Variants in FRAS1 observed in about 807,000 individuals in gnomAD.
The protein encoded by FRAS1 is extracellular matrix organizing protein FRAS1.
Under a neutral mutation model 435.2 loss-of-function variants are expected in FRAS1, and 290 were observed. The ratio of observed to expected loss-of-function variants is 0.67; its 90% CI spans 0.61 to 0.73. FRAS1 has a LOEUF of 0.73. Among genes scored for constraint, FRAS1 ranks in the 30% least tolerant of loss-of-function variants. FRAS1 has a pLI of 0.00. For synonymous variants in FRAS1, 1,800 were observed against 1,851.0 expected, an observed-to-expected ratio of 0.97 and a Z score of 0.71; for missense variants, 4,860 against 5,001.5, an observed-to-expected ratio of 0.97 and a Z score of 0.85.
At chr4:78,430,078 A>G (rs1375740957) in intron 36 of FRAS1, among the ~76,000 whole-genome samples, 2 of 152,232 alleles carry the variant, frequency 1.3e-5, no homozygotes, top group Admixed American at 1.3e-4. Context: ...GAACTACCTT[A>G]CATGAACTTT....
intron 2 of FRAS1, among the ~76,000 whole-genome samples, chr4:78,210,162 T>G (rs1309168347): frequency 6.6e-6 from 1 of 152,146 alleles, no homozygotes; most frequent in African/African-American, 2.4e-5. Context: ...CAGCTGCTTC[T>G]CCCTCCTTCC....
chr4:78,198,730 C>CT (rs1377553896), intron 2 of FRAS1, among the ~76,000 whole-genome samples: 1 of 152,198 alleles, frequency 6.6e-6, no homozygotes, highest in Non-Finnish European at 1.5e-5. Context: ...CCAACCCCTC[C>CT]TCTTCCTTCT....
In FRAS1 at chr4:78,441,300, A is replaced by G; in HGVS notation, c.5665+3A>G. The G allele has an allele frequency of 6.2e-7, 1 of 1,610,014 alleles. No homozygotes were observed. Among genetic ancestry groups the G allele is most frequent in the Non-Finnish European group, 8.5e-7 (1 of 1,177,944 alleles). On this transcript the variant is annotated splice_donor_region_variant and intron_variant, in intron 41 of 73. Transcript: ENST00000512123. ...CTGCATTGAGAACACAGGAACAGGT[A>G]CTACTTCCTGTAAAACTGTTAAGGA... is the stretch of plus-strand genomic sequence containing the variant.
chr4:78,114,427 G>A (rs1343063576), intron 2 of FRAS1, among the ~76,000 whole-genome samples: 6 of 152,094 alleles, frequency 3.9e-5, no homozygotes, highest in Non-Finnish European at 8.8e-5. Flanking sequence ...GGGAAGTATG[G>A]CCATTTTCAT....
Position 78,479,714 on chromosome 4 carries a change from C to T in FRAS1, c.8439C>T (p.Asp2813=), listed in dbSNP as rs11098194. 0.36 allele frequency: 569,848 copies of T among 1,576,474 alleles called. 106,007 individuals are homozygous for T. The highest frequency in any genetic ancestry group is 0.45 in the Admixed American group (26,310 of 57,950). The change falls in exon 56 of 74, where the codon GAC becomes GAT. Residue 2813 remains aspartate (D), a synonymous_variant. Coordinates refer to ENST00000512123, the MANE Select transcript of FRAS1 (RefSeq NM_025074.7). ...LGNTAFTVSE[D]AGTVKIPVIR... Reference sequence around the variant, plus strand: ...ACACGGCTTTCACTGTCAGTGAGGACGCAGGTAATGGAGAGTGTCTCTGAG... The same window carrying T: ...ACACGGCTTTCACTGTCAGTGAGGATGCAGGTAATGGAGAGTGTCTCTGAG...
chr4:78,433,317 A>G (rs1734285737), intron 38 of FRAS1, among the ~76,000 whole-genome samples: 1 of 152,208 alleles, frequency 6.6e-6, no homozygotes, highest in South Asian at 2.1e-4. Flanking sequence ...TTGTAAGCAG[A>G]TATGTGCTCT....
chr4:78,397,594 G>T (rs976362192), intron 29 of FRAS1, among the ~76,000 whole-genome samples: 7 of 152,270 alleles, frequency 4.6e-5, no homozygotes, highest in African/African-American at 1.4e-4. Flanking sequence ...GTATCTTACA[G>T]AATTTGTGAG....
chr4:78,445,663 G>A lies in FRAS1; in HGVS notation c.5807G>A (p.Ser1936Asn). Residue 1936 changes from serine to asparagine, a missense_variant, in exon 42 of 74, where the codon AGT (serine) becomes AAT (asparagine). Ser to Asn is a conservative substitution (Grantham distance 46). Transcript: ENST00000512123. ...CATGATATTTTTAGTTTTTATGTGA[G>A]TGATGGAACCAGTCGTTCAGAAATT... is the stretch of plus-strand genomic sequence containing the variant. ...PTHDIFSFYV[S>N]DGTSRSEIHS... 3.1e-6 allele frequency: 5 copies of A among 1,613,890 alleles called. No homozygotes were observed. Among genetic ancestry groups the A allele is most frequent in the Non-Finnish European group, 4.2e-6 (5 of 1,179,806 alleles).
intron 70 of FRAS1, among the ~76,000 whole-genome samples, chr4:78,527,100 C>T (rs934303026): frequency 6.6e-6 from 1 of 152,054 alleles, no homozygotes; most frequent in Non-Finnish European, 1.5e-5. Flanking sequence ...TACACAGAAA[C>T]AGACATAAAA....
At chr4:78,155,862 C>T (rs1720861690) in intron 2 of FRAS1, among the ~76,000 whole-genome samples, 1 of 152,044 alleles carries the variant, frequency 6.6e-6, no homozygotes, top group Admixed American at 6.5e-5. Flanking sequence ...GGTGAGTGGG[C>T]CATCAATGGG....
chr4:78,217,231 C>T (rs551942707), intron 2 of FRAS1, among the ~76,000 whole-genome samples: 1 of 152,210 alleles, frequency 6.6e-6, no homozygotes, highest in South Asian at 2.1e-4. Flanking sequence ...TGATGCCCTC[C>T]CTCATTGATC....
In FRAS1 at chr4:78,441,227, C is replaced by A. The variant is rs1447799010; in HGVS notation, c.5595C>A (p.Asn1865Lys). ...TTTTTGCTACTGATGATGATGACAACCTCCAGAGAGATGCCATCATTAAAC... is the reference window on the plus strand; with the variant it reads ...TTTTTGCTACTGATGATGATGACAAACTCCAGAGAGATGCCATCATTAAAC... ...HHFFATDDDD[N>K]LQRDAIIKLS... Residue 1865 changes from asparagine (N) to lysine (K), a missense_variant, in exon 41 of 74, where the codon AAC becomes AAA. Physicochemically the swap from Asn to Lys is moderately conservative, Grantham distance 94. Transcript: ENST00000512123. 1 of 1,613,706 alleles carries A rather than the reference C, an allele frequency of 6.2e-7. No individual in the cohort carries two copies. The highest frequency in any genetic ancestry group is 1.7e-5 in the Admixed American group (1 of 60,000).
intron 45 of FRAS1, 90 bp from the exon 46 acceptor site, chr4:78,451,682 T>C: frequency 9.5e-7 from 1 of 1,049,704 alleles, no homozygotes; most frequent in Non-Finnish European, 1.4e-6. Context: ...GATTCATTGG[T>C]GTGAACACCA....
chr4:78,078,839 C>T (rs1047197735), intron 2 of FRAS1, among the ~76,000 whole-genome samples: 1 of 152,036 alleles, frequency 6.6e-6, no homozygotes, highest in Non-Finnish European at 1.5e-5. Flanking sequence ...AAAACTAAAT[C>T]AGTAATGGGA....
intron 71 of FRAS1, among the ~76,000 whole-genome samples, chr4:78,536,666 T>C (rs1015668519): frequency 6.6e-6 from 1 of 152,202 alleles, no homozygotes; most frequent in Non-Finnish European, 1.5e-5. Flanking sequence ...TGTGAGTTTG[T>C]TTCCATCCTC....
At chr4:78,166,432 C>G (rs1239700584) in intron 2 of FRAS1, among the ~76,000 whole-genome samples, 1 of 152,012 alleles carries the variant, frequency 6.6e-6, no homozygotes, top group Non-Finnish European at 1.5e-5. Context: ...TAAGACTTTT[C>G]TTTTTGGTCA....
chr4:78,392,399 G>GT (rs552324105), intron 29 of FRAS1, among the ~76,000 whole-genome samples: 68 of 152,044 alleles, frequency 4.5e-4, no homozygotes, highest in Admixed American at 2.7e-3. Context: ...TTGGCCTGGG[G>GT]TTAGAGTACA....
At chr4:78,356,501 T>A (rs1214981578) in intron 20 of FRAS1, among the ~76,000 whole-genome samples, 1 of 152,214 alleles carries the variant, frequency 6.6e-6, no homozygotes, top group African/African-American at 2.4e-5. Context: ...AGTGTGTTTT[T>A]CTTCCTTCTC....
chr4:78,158,643 T>C (rs1261436182), intron 2 of FRAS1, among the ~76,000 whole-genome samples: 2 of 152,194 alleles, frequency 1.3e-5, no homozygotes, highest in Non-Finnish European at 2.9e-5. Context: ...ATATTTCTAT[T>C]TTGCCTTGAA....
Sources: gnomAD v4.1 joint callset for allele counts (sites outside exome capture counted in the v4.1 genomes callset) on GRCh38, gnomAD v4.1.1 for gene constraint, MANE v1.5 for transcripts, NCBI Gene and HGNC (gene_info 2026-07-23, HGNC 2026-07-21) for gene names.